Variants in RPGRIP1 observed in about 807,000 individuals in gnomAD.
The protein encoded by RPGRIP1 is X-linked retinitis pigmentosa GTPase regulator-interacting protein 1.
Under a neutral mutation model 157.9 loss-of-function variants are expected in RPGRIP1, and 128 were observed. The observed-to-expected ratio is 0.81, with a 90% CI of 0.70 to 0.94. The LOEUF (loss-of-function observed/expected upper bound fraction) is 0.94, where lower values mean the gene tolerates loss of function less well. Among genes scored for constraint, RPGRIP1 ranks in the 40% least tolerant of loss-of-function variants. The pLI is 0.00. For synonymous variants in RPGRIP1, 554 were observed against 571.6 expected, an observed-to-expected ratio of 0.97 and a Z score of 0.44; for missense variants, 1,486 against 1,545.8, an observed-to-expected ratio of 0.96 and a Z score of 0.65.
chr14:21,280,241 CTTTTTTTTT>C (rs35642254), intron 1 of RPGRIP1, among the ~76,000 whole-genome samples, 82 bp downstream of exon 1: 2 of 109,374 alleles, frequency 1.8e-5, no homozygotes, highest in East Asian at 5.5e-4. Context: ...TAAGTTTATT[CTTTTTTTTT>C]TTTTTTTTTT....
At position 21,344,965 on chromosome 14, in the gene RPGRIP1, T is replaced by G. The variant is rs78416818; in HGVS notation, c.3533-148T>G. 2.6e-3 allele frequency: 1,571 copies of G among 612,924 alleles called. 19 individuals are homozygous for G. The East Asian group carries it at 0.032, about 13-fold the overall frequency. 38.0% of individuals were successfully genotyped at this position (612,924 alleles called of 1,614,324 possible). On this transcript the variant is annotated intron_variant, in intron 22 of 24. Transcript: ENST00000400017. ...ACACACACACACACACAAATGATTT[T>G]CAAAGCAGTTGGTCCATGTTATTCT...
Position 21,330,407 on chromosome 14 carries a change from A to AC in RPGRIP1, c.3238+20_3238+21insC. 6.9e-7 allele frequency: 1 copy of AC among 1,454,602 alleles called. No individual in the cohort carries two copies. The highest frequency in any genetic ancestry group is 2.7e-5 in the East Asian group (1 of 36,792). The allele number at this position is 1,454,602 out of a possible 1,614,324, so 90.1% of individuals were successfully genotyped here. Reference sequence around the variant, plus strand: ...TAAATGGTATTGTCTTTTAAAATCTATTTTTTTTCCTAGCACTTTGGGAGG... The same window carrying AC: ...TAAATGGTATTGTCTTTTAAAATCTACTTTTTTTTCCTAGCACTTTGGGAGG... On this transcript the variant is annotated intron_variant, in intron 20 of 24. Transcript: ENST00000400017.
rs67535379 is a variant in RPGRIP1, at chr14:21,343,866, G to GTTTTTTTTTTTTTTTTTTTTTTTT, written c.3532+656_3532+679dup. On this transcript the variant is annotated intron_variant, in intron 22 of 24. Coordinates refer to ENST00000400017, the MANE Select transcript of RPGRIP1 (RefSeq NM_020366.4). ...TGATTTTTGTTCTTCCTCTTTTCCT[G>GTTTTTTTTTTTTTTTTTTTTTTTT]TTTTTTTTTTTTTTTTTTTTTTTTT... Among the ~76,000 whole-genome samples, 7 of 50,438 alleles carry GTTTTTTTTTTTTTTTTTTTTTTTT rather than the reference G, an allele frequency of 1.4e-4. 2 individuals are homozygous for GTTTTTTTTTTTTTTTTTTTTTTTT. The highest frequency in any genetic ancestry group is 2.5e-4 in the Non-Finnish European group (7 of 27,770). The allele number at this position is 50,438 out of a possible 152,430, so 33.1% of individuals were successfully genotyped here. A position where few individuals can be genotyped will look rare whatever the true frequency, so the allele number is the denominator to read the frequency against.
rs184926375 is a variant in RPGRIP1 at position 21,326,128 on chromosome 14, G to A, written c.2665G>A (p.Ala889Thr). 6.9e-5 allele frequency: 111 copies of A among 1,598,578 alleles called. 1 individual carries two copies. In the African/African-American group the frequency reaches 1.1e-3, roughly 16 times the overall value. ...DLEPGSYLGR[A>T]RVPLLPLAKN... The stretch of plus-strand genomic sequence containing the variant: ...AGAGCCTGGCTCGTATCTTGGCCGA[G>A]CCCGAGTGCCTTTACTGCCTCTTGC... The change falls in exon 17 of 25, where the codon GCC (alanine) becomes ACC (threonine). Residue 889 changes from alanine (A) to threonine (T), a missense_variant. Physicochemically the swap from Ala to Thr is moderately conservative, Grantham distance 58. Transcript: ENST00000400017.
Position 21,295,291 on chromosome 14 carries a change from C to T in RPGRIP1, c.218+482C>T, listed in dbSNP as rs540270064. Among the ~76,000 whole-genome samples, 34 of 152,092 alleles carry T rather than the reference C, an allele frequency of 2.2e-4. 1 individual carries two copies. The highest frequency in any genetic ancestry group is 7.9e-4 in the African/African-American group (33 of 41,510). ...ATAAGAGACTGGACAGGTTCCTCCC[C>T]TGGTCACAACTGAGGGGATGGAGAT... On this transcript the variant is annotated intron_variant, in intron 3 of 24. Transcript: ENST00000400017.
At chr14:21,319,820 G>A (rs1046452625) in intron 11 of RPGRIP1, among the ~76,000 whole-genome samples, 197 bp from the exon 12 acceptor site, 5 of 152,018 alleles carry the variant, frequency 3.3e-5, no homozygotes, top group South Asian at 2.1e-4. Context: ...TTTTGTTTTC[G>A]GAGTGCAAGT....
At chr14:21,341,041 T>TTTTG (rs76609139) in intron 21 of RPGRIP1, among the ~76,000 whole-genome samples, 16,884 of 151,920 alleles carry the variant, frequency 0.11, 1,067 homozygotes, top group Middle Eastern at 0.21. Flanking sequence ...AATATCGTTT[T>TTTTG]TTTGTTTGTT....
chr14:21,327,848 T>G (rs373026516), intron 18 of RPGRIP1, 41 bp downstream of exon 18: 14 of 1,446,760 alleles, frequency 9.7e-6, no homozygotes, highest in African/African-American at 1.4e-5. Flanking sequence ...TCTCTGCCAA[T>G]CCTATGGAGC....
intron 2 of RPGRIP1, among the ~76,000 whole-genome samples, chr14:21,294,052 CAA>C (rs370207654): frequency 8.4e-5 from 8 of 94,896 alleles, no homozygotes; most frequent in African/African-American, 2.1e-4. Context: ...GACCCTGTCT[CAA>C]AAAAAAAAAA....
chr14:21,332,231 G>A (rs752778595), intron 20 of RPGRIP1, among the ~76,000 whole-genome samples: 1 of 152,092 alleles, frequency 6.6e-6, no homozygotes, highest in Non-Finnish European at 1.5e-5. Context: ...GAGCCACCAC[G>A]CTTGGCCTAA....
chr14:21,348,521 T>C (rs1885796677), intron 24 of RPGRIP1, among the ~76,000 whole-genome samples: 1 of 152,206 alleles, frequency 6.6e-6, no homozygotes. Flanking sequence ...GAATTGATTT[T>C]GAATCTACAA....
chr14:21,338,968 G>A (rs1321076686), intron 21 of RPGRIP1, among the ~76,000 whole-genome samples: 1 of 151,978 alleles, frequency 6.6e-6, no homozygotes, highest in East Asian at 1.9e-4. Flanking sequence ...GTGAAACCCT[G>A]TCTACAAAAA....
chr14:21,334,748 A>T (rs1036131197), intron 21 of RPGRIP1, 43 bp downstream of exon 21: 22 of 1,319,990 alleles, frequency 1.7e-5, no homozygotes, highest in Non-Finnish European at 2.1e-5. Flanking sequence ...ATAAGACGAT[A>T]AATAATGACA....
chr14:21,342,009 C>T (rs1289590783), intron 21 of RPGRIP1, among the ~76,000 whole-genome samples: 1 of 151,000 alleles, frequency 6.6e-6, no homozygotes, highest in African/African-American at 2.4e-5. Context: ...GAGATCGTGC[C>T]ACTGCACTCC....
intron 2 of RPGRIP1, among the ~76,000 whole-genome samples, chr14:21,288,572 T>A (rs531819130): frequency 6.6e-6 from 1 of 151,726 alleles, no homozygotes; most frequent in East Asian, 2.0e-4. Flanking sequence ...TGGAGTGCAG[T>A]GGCCCAATCT....
At chr14:21,285,344 G>A (rs558233655) in intron 1 of RPGRIP1, among the ~76,000 whole-genome samples, 33 of 152,058 alleles carry the variant, frequency 2.2e-4, no homozygotes, top group African/African-American at 6.8e-4. Flanking sequence ...AGTGGCTCAA[G>A]CCTGTAATCC....
intron 10 of RPGRIP1, among the ~76,000 whole-genome samples, chr14:21,316,986 G>T (rs551654363): frequency 7.2e-5 from 11 of 152,048 alleles, no homozygotes; most frequent in Non-Finnish European, 1.3e-4. Context: ...TGGGCCTGGT[G>T]GTGGGTTACT....
chr14:21,308,890 A>C (rs1881430973), intron 7 of RPGRIP1, among the ~76,000 whole-genome samples: 1 of 152,120 alleles, frequency 6.6e-6, no homozygotes, highest in South Asian at 2.1e-4. Flanking sequence ...TGGCCCTCCT[A>C]CCCTAGTCTT....
intron 16 of RPGRIP1, chr14:21,325,626 C>T (rs1176692035): frequency 1.1e-5 from 7 of 631,644 alleles, no homozygotes; most frequent in Non-Finnish European, 1.9e-5. Context: ...GTGCCATTCT[C>T]TAAGTTAAGT....
Sources: gnomAD v4.1 joint callset for allele counts (sites outside exome capture counted in the v4.1 genomes callset) on GRCh38, gnomAD v4.1.1 for gene constraint, MANE v1.5 for transcripts, NCBI Gene and HGNC (gene_info 2026-07-23, HGNC 2026-07-21) for gene names.